Variants in LDHA observed in about 807,000 individuals in gnomAD.
The protein encoded by LDHA is L-lactate dehydrogenase A chain.
Under a neutral mutation model 36.3 loss-of-function variants are expected in LDHA, and 10 were observed. The ratio of observed to expected loss-of-function variants is 0.28; its 90% CI spans 0.17 to 0.47. The LOEUF (loss-of-function observed/expected upper bound fraction) is 0.47, where lower values mean the gene tolerates loss of function less well. LDHA is among the 20% of genes least tolerant of loss of function. The pLI, the probability that LDHA is intolerant of heterozygous loss-of-function variation, is 0.99. For missense variants in LDHA, 267 were observed against 405.8 expected (o/e 0.66, Z 2.94); for synonymous variants, 110 against 136.7 (o/e 0.80, Z 1.36).
At chr11:18,403,561 C>G in intron 5 of LDHA, 133 bp from the exon 6 acceptor site, 1 of 728,300 alleles carries the variant, frequency 1.4e-6, no homozygotes, top group Admixed American at 1.9e-5. Context: ...TGAGTAATGA[C>G]TACATTAGTA....
intron 3 of LDHA, 173 bp downstream of exon 3, chr11:18,399,721 A>C: frequency 1.6e-6 from 1 of 640,604 alleles, no homozygotes; most frequent in African/African-American, 1.8e-5. Context: ...CCCCCTCACA[A>C]AGAAACTGGG....
In LDHA at chr11:18,395,185, A is replaced by T. The variant is rs200562530; in HGVS notation, c.-25+549A>T. 9.2e-5 allele frequency: 15 copies of T among 163,870 alleles called. No individual in the cohort carries two copies. In the East Asian group the frequency reaches 2.6e-3, roughly 29 times the overall value. 10.2% of individuals were successfully genotyped at this position (163,870 alleles called of 1,614,324 possible). On this transcript the variant is annotated intron_variant, in intron 1 of 7. Transcript: ENST00000422447. ...TAGGGAGCCCTTTGCGCATTTATTA[A>T]GAAGCTACTGGTGTATCTCGGGCTG...
intron 7 of LDHA, among the ~76,000 whole-genome samples, chr11:18,406,029 G>A (rs1390016672): frequency 2.0e-5 from 3 of 152,122 alleles, no homozygotes; most frequent in Admixed American, 6.5e-5. Context: ...TGCAGTGGCC[G>A]ATCTCGGCTC....
At chr11:18,402,680 T>G (rs748052679) in intron 4 of LDHA, 160 bp from the exon 5 acceptor site, 1 of 661,076 alleles carries the variant, frequency 1.5e-6, no homozygotes, top group Non-Finnish European at 2.7e-6. Context: ...TGGTTAGCCA[T>G]GATCAATATC....
intron 1 of LDHA, chr11:18,396,279 A>C (rs1448415625): frequency 2.8e-6 from 1 of 360,854 alleles, no homozygotes; most frequent in African/African-American, 2.1e-5. Context: ...GGCGGGGCGT[A>C]AAAGCCGGGC....
chr11:18,398,263 T>C (rs1373493818), intron 2 of LDHA, among the ~76,000 whole-genome samples: 1 of 152,234 alleles, frequency 6.6e-6, no homozygotes, highest in Non-Finnish European at 1.5e-5. Flanking sequence ...AAGGATATTT[T>C]TTGCCAGTAT....
rs1400526758 is a variant in LDHA at position 18,405,579 on chromosome 11, C to G, written c.834+7C>G. ...AGTTTCCACCATGATTAAGGTAGGT[C>G]TATGTAGTGATACGCTGCATTTGAA... is the stretch of plus-strand genomic sequence containing the variant. On this transcript the variant is annotated splice_region_variant and intron_variant, in intron 7 of 7. Transcript: ENST00000422447. 1 of 1,613,374 alleles carries G rather than the reference C, an allele frequency of 6.2e-7. No homozygotes were observed. The highest frequency in any genetic ancestry group is 8.5e-7 in the Non-Finnish European group (1 of 1,179,578).
At chr11:18,400,802 G>A in intron 3 of LDHA, 35 bp from the exon 4 acceptor site, 1 of 1,571,094 alleles carries the variant, frequency 6.4e-7, no homozygotes, top group Non-Finnish European at 8.8e-7. Flanking sequence ...TTATTCTAAA[G>A]GCCTTAATCT....
rs1866731744 is a variant in LDHA, at chr11:18,407,395, T to TG, written c.*116dup. ...TGATTAAAGCAGTAATATTTTAAGA[T>TG]GGACTGGGAAAAACATCAACTCCTG... On this transcript the variant is annotated 3_prime_UTR_variant, in exon 8 of 8. Coordinates refer to ENST00000422447, the MANE Select transcript of LDHA (RefSeq NM_005566.4). 6.3e-7 allele frequency: 1 copy of TG among 1,582,948 alleles called. No individual in the cohort carries two copies. The highest frequency in any genetic ancestry group is 1.1e-5 in the South Asian group (1 of 88,434).
intron 6 of LDHA, 90 bp downstream of exon 6, chr11:18,403,901 G>T: frequency 3.6e-6 from 3 of 837,810 alleles, no homozygotes; most frequent in South Asian, 2.8e-5. Flanking sequence ...TTGCATTTGA[G>T]AACTTTTTGT....
chr11:18,406,110 T>C (rs1396429827), intron 7 of LDHA, among the ~76,000 whole-genome samples: 2 of 152,070 alleles, frequency 1.3e-5, no homozygotes, highest in Admixed American at 1.3e-4. Context: ...GGACTACAGG[T>C]GCGTGCCACC....
chr11:18,399,249 T>C (rs1457195355), intron 2 of LDHA, 182 bp from the exon 3 acceptor site: 1 of 589,920 alleles, frequency 1.7e-6, no homozygotes, highest in Non-Finnish European at 3.1e-6. Flanking sequence ...CAGTGCTATC[T>C]ATGTAGGGTG....
Position 18,407,240 on chromosome 11 carries a change from G to A in LDHA, c.958G>A (p.Ala320Thr), listed in dbSNP as rs1085307812. The A allele has an allele frequency of 3.7e-6, 6 of 1,613,812 alleles. No homozygotes were observed. Among genetic ancestry groups the A allele is most frequent in the African/African-American group, 2.7e-5 (2 of 74,890 alleles). Residue 320 changes from alanine to threonine, a missense_variant, in exon 8 of 8, where the codon GCA (alanine) becomes ACA (threonine). Transcript: ENST00000422447. ...SEEEARLKKS[A>T]DTLWGIQKEL... The stretch of plus-strand genomic sequence containing the variant: ...GGAAGAGGCCCGTTTGAAGAAGAGT[G>A]CAGATACACTTTGGGGGATCCAAAA...
chr11:18,398,120 T>C (rs779775148), intron 2 of LDHA, among the ~76,000 whole-genome samples: 2 of 152,216 alleles, frequency 1.3e-5, no homozygotes, highest in Admixed American at 6.5e-5. Flanking sequence ...ACACTCATTA[T>C]ATTGTGGATG....
chr11:18,402,770 A>C (rs1247581694), intron 4 of LDHA, 70 bp from the exon 5 acceptor site: 2 of 1,180,936 alleles, frequency 1.7e-6, no homozygotes, highest in African/African-American at 3.0e-5. Context: ...TGTTTTCTTC[A>C]TAGTAGGTAT....
chr11:18,396,099 A>G (rs1286526076), intron 1 of LDHA, among the ~76,000 whole-genome samples: 1 of 152,238 alleles, frequency 6.6e-6, no homozygotes, highest in East Asian at 1.9e-4. Context: ...TGAGCTGCAT[A>G]GCTCCAGATT....
chr11:18,395,582 G>C (rs1866266195), intron 1 of LDHA, among the ~76,000 whole-genome samples: 1 of 152,190 alleles, frequency 6.6e-6, no homozygotes, highest in Non-Finnish European at 1.5e-5. Flanking sequence ...AAATAGCAGT[G>C]ATTTGTAAGG....
intron 2 of LDHA, chr11:18,397,291 T>C (rs533386547): frequency 1.0e-5 from 2 of 197,782 alleles, no homozygotes; most frequent in African/African-American, 4.6e-5. Flanking sequence ...AAGTGATTTT[T>C]GAATTGAAAA....
intron 7 of LDHA, 70 bp from the exon 8 acceptor site, chr11:18,407,047 T>C: frequency 8.3e-7 from 1 of 1,208,064 alleles, no homozygotes; most frequent in Admixed American, 2.2e-5. Context: ...TTATAGAGAC[T>C]GTAAGTCTTG....
Sources: gnomAD v4.1 joint callset for allele counts (sites outside exome capture counted in the v4.1 genomes callset) on GRCh38, gnomAD v4.1.1 for gene constraint, MANE v1.5 for transcripts, NCBI Gene and HGNC (gene_info 2026-07-23, HGNC 2026-07-21) for gene names.